Variants in CASP8 observed in about 807,000 individuals in gnomAD.
The protein encoded by CASP8 is caspase-8.
Under a neutral mutation model 46.3 loss-of-function variants are expected in CASP8, and 24 were observed. That is an observed-to-expected ratio of 0.52 (90% CI 0.38 to 0.73). The LOEUF is 0.73. Ranked by LOEUF, CASP8 falls within the 30% of genes least tolerant of loss-of-function variation. The pLI is 0.00. For synonymous variants in CASP8, 188 were observed against 200.4 expected, an observed-to-expected ratio of 0.94 and a Z score of 0.52; for missense variants, 460 against 559.0, an observed-to-expected ratio of 0.82 and a Z score of 1.79.
At chr2:201,239,339 G>A (rs950661602) in intron 2 of CASP8, among the ~76,000 whole-genome samples, 8 of 152,022 alleles carry the variant, frequency 5.3e-5, no homozygotes, top group African/African-American at 1.9e-4. Context: ...TCCCAGTAGG[G>A]GCGGCCGGGC....
At chr2:201,252,901 A>T (rs996815280) in intron 2 of CASP8, among the ~76,000 whole-genome samples, 1 of 151,784 alleles carries the variant, frequency 6.6e-6, no homozygotes. Context: ...ATGGAGGGGG[A>T]AAAAAAAGGA....
At chr2:201,270,552 C>A (rs553760341) in intron 2 of CASP8, among the ~76,000 whole-genome samples, 1 of 152,156 alleles carries the variant, frequency 6.6e-6, no homozygotes, top group African/African-American at 2.4e-5. Flanking sequence ...AGTTTCTAAA[C>A]AGACAATTAT....
At chr2:201,246,616 C>T (rs1482682360) in intron 2 of CASP8, among the ~76,000 whole-genome samples, 7 of 152,206 alleles carry the variant, frequency 4.6e-5, no homozygotes, top group Admixed American at 3.9e-4. Context: ...CGACCACCCT[C>T]ACCCCCAGTT....
In CASP8 at chr2:201,266,617, T is replaced by C; in HGVS notation, c.131T>C (p.Leu44Ser). 9 of 1,614,186 alleles carry C rather than the reference T, an allele frequency of 5.6e-6. No individual in the cohort carries two copies. Among genetic ancestry groups the C allele is most frequent in the Non-Finnish European group, 7.6e-6 (9 of 1,180,026 alleles). The change falls in exon 2 of 9, where the codon TTA becomes TCA. Residue 44 changes from leucine to serine, a missense_variant. Leu to Ser is a moderately radical substitution (Grantham distance 145, BLOSUM62 -2). Transcript: ENST00000673742. The surrounding 1 kb of genome is among the most constrained non-coding windows in gnomAD (Gnocchi z 5.7). ...GAACCCATCAAGGATGCCTTGATGT[T>C]ATTCCAGAGACTCCAGGAAAAGAGA... ...KQEPIKDALM[L>S]FQRLQEKRML...
At chr2:201,237,085 A>ATTTTTTTTTTTT (rs34775964) in intron 2 of CASP8, among the ~76,000 whole-genome samples, 5 of 88,104 alleles carry the variant, frequency 5.7e-5, no homozygotes, top group African/African-American at 1.9e-4. Context: ...ACCCCTTTCT[A>ATTTTTTTTTTTT]TTTTTTTTTT....
Position 201,284,801 on chromosome 2 carries a change from A to G in CASP8, c.803-15A>G. On this transcript the variant is annotated splice_polypyrimidine_tract_variant and intron_variant, in intron 7 of 8. Coordinates refer to ENST00000673742, the MANE Select transcript of CASP8 (RefSeq NM_001372051.1). ...TACTGTGGTATAACGTGACTGTTCA[A>G]ATTTCACTTTTCAGGGGCTTTGACC... 6.3e-7 allele frequency: 1 copy of G among 1,589,702 alleles called. No homozygotes were observed. The highest frequency in any genetic ancestry group is 8.5e-7 in the Non-Finnish European group (1 of 1,170,276).
chr2:201,255,956 C>G (rs1946999173), upstream of CASP8, among the ~76,000 whole-genome samples: 2 of 152,148 alleles, frequency 1.3e-5, no homozygotes, highest in Admixed American at 1.3e-4. Context: ...CAGTGTCTCC[C>G]TATGTTGCCC....
chr2:201,285,367 C>G (rs1281782187), intron 8 of CASP8, 50 bp downstream of exon 8: 2 of 1,597,972 alleles, frequency 1.3e-6, no homozygotes, highest in Non-Finnish European at 1.7e-6. Context: ...CCTTCCCCCC[C>G]TACTCCATCA....
At chr2:201,248,672 C>T (rs766821154) in intron 2 of CASP8, among the ~76,000 whole-genome samples, 24 of 152,192 alleles carry the variant, frequency 1.6e-4, no homozygotes, top group Non-Finnish European at 1.5e-5. Context: ...CTTACCAACA[C>T]ATGTTGGAGA....
intron 2 of CASP8, among the ~76,000 whole-genome samples, chr2:201,267,919 T>TTTTTG (rs575674799): frequency 1.4e-3 from 214 of 152,286 alleles, no homozygotes; most frequent in African/African-American, 4.9e-3. Flanking sequence ...GCTTGACTAT[T>TTTTTG]TTTTGTTTTG....
At chr2:201,248,973 C>T (rs534735431) in intron 2 of CASP8, among the ~76,000 whole-genome samples, 1 of 152,298 alleles carries the variant, frequency 6.6e-6, no homozygotes, top group African/African-American at 2.4e-5. Flanking sequence ...CTCACTACAA[C>T]CTCTGCCTCC....
intron 2 of CASP8, among the ~76,000 whole-genome samples, chr2:201,248,257 TGTGG>T (rs1421195506): frequency 1.3e-5 from 2 of 152,146 alleles, no homozygotes; most frequent in African/African-American, 4.8e-5. Flanking sequence ...AACCACGACC[TGTGG>T]GTGGATCGAG....
At chr2:201,245,345 A>T (rs1336930053) in intron 2 of CASP8, among the ~76,000 whole-genome samples, 2 of 151,628 alleles carry the variant, frequency 1.3e-5, no homozygotes, top group Non-Finnish European at 2.9e-5. Flanking sequence ...GGTTCAAGTG[A>T]TTCTTATGCC....
intron 2 of CASP8, among the ~76,000 whole-genome samples, chr2:201,251,552 G>A (rs7574863): frequency 0.12 from 16,507 of 142,540 alleles, 1,228 homozygotes; most frequent in South Asian, 0.3. Context: ...CCAAGATGGC[G>A]CCACTGCACT....
rs1947826286 is a variant in CASP8, at chr2:201,266,333, G to C, written c.-26-128G>C. On this transcript the variant is annotated intron_variant, in intron 1 of 8. Coordinates refer to ENST00000673742, the MANE Select transcript of CASP8 (RefSeq NM_001372051.1). The surrounding 1 kb of genome is among the most constrained non-coding windows in gnomAD (Gnocchi z 5.7). ...AACAGTAAGAGGGAACTTGTCTGGTGTTCTTTTTTTCTCTCCTGTGCTGAC... is the reference window on the plus strand; with the variant it reads ...AACAGTAAGAGGGAACTTGTCTGGTCTTCTTTTTTTCTCTCCTGTGCTGAC... 1.4e-6 allele frequency: 1 copy of C among 727,188 alleles called. No individual in the cohort carries two copies. Among genetic ancestry groups the C allele is most frequent in the Middle Eastern group, 3.5e-4 (1 of 2,866 alleles). 45.0% of individuals were successfully genotyped at this position (727,188 alleles called of 1,614,324 possible).
At chr2:201,244,539 A>T (rs149482031) in intron 2 of CASP8, among the ~76,000 whole-genome samples, 122 of 152,276 alleles carry the variant, frequency 8.0e-4, no homozygotes, top group African/African-American at 2.7e-3. Context: ...GGTGGGCTGT[A>T]ATCTGGCCTG....
chr2:201,264,384 TGTTTTG>T (rs1417768352), intron 1 of CASP8, among the ~76,000 whole-genome samples: 2 of 151,502 alleles, frequency 1.3e-5, no homozygotes, highest in South Asian at 2.1e-4. Flanking sequence ...TTTTTTGTTT[TGTTTTG>T]GTTTTGGTTT....
At chr2:201,286,328 C>T (rs1949555763) in intron 8 of CASP8, 131 bp from the exon 9 acceptor site, 2 of 1,164,542 alleles carry the variant, frequency 1.7e-6, no homozygotes, top group South Asian at 1.3e-5. Context: ...CTTGGTTTCG[C>T]ACCTTATTGT....
intron 2 of CASP8, chr2:201,240,729 T>C (rs925920872): frequency 6.6e-6 from 1 of 152,148 alleles, no homozygotes; most frequent in African/African-American, 2.4e-5. Context: ...AGAACACACA[T>C]TATCCTCAAA....
Sources: allele counts gnomAD v4.1 joint callset (sites outside exome capture counted in the v4.1 genomes callset), GRCh38; gene constraint gnomAD v4.1.1; non-coding constraint Gnocchi (gnomAD v3.1); transcripts MANE v1.5; gene names NCBI Gene and HGNC (gene_info 2026-07-23, HGNC 2026-07-21).